SCART1: variants seen among roughly 807,000 people sequenced by gnomAD.
SCART1 encodes scavenger receptor family member expressed on T cells 1, also known as scavenger receptor cysteine-rich domain-containing protein SCART1.
SCART1 carries 62 observed loss-of-function variants against 36.2 expected under a neutral mutation model. The ratio of observed to expected loss-of-function variants is 1.71; its 90% CI spans 1.40 to 2.12. SCART1 has a LOEUF of 2.12. Ranked by LOEUF, SCART1 falls within the 30% of genes most tolerant of loss-of-function variation. The probability of loss-of-function intolerance (pLI) is 0.00; values close to 1 mark genes in which losing one functional copy is unlikely to be tolerated. For synonymous variants in SCART1, 487 were observed against 238.7 expected, an observed-to-expected ratio of 2.04 and a Z score of -9.59; for missense variants, 1,041 against 540.5, an observed-to-expected ratio of 1.93 and a Z score of -9.18.
chr10:133,457,690 A>G, intron 3 of SCART1, 115 bp downstream of exon 3: 1 of 581,630 alleles, frequency 1.7e-6, no homozygotes. Flanking sequence ...CCTGTCCTGC[A>G]TGAGACATTG....
rs1169245518 is a variant in SCART1, at chr10:133,457,205, G to GA, written c.386-69dup. The GA allele has an allele frequency of 5.9e-5, 40 of 677,438 alleles. No homozygotes were observed. The African/African-American group carries it at 6.1e-4, about 10-fold the overall frequency. 42.0% of individuals were successfully genotyped at this position (677,438 alleles called of 1,614,324 possible). On this transcript the variant is annotated intron_variant, in intron 2 of 11. Transcript: ENST00000640237. Reference sequence around the variant, plus strand: ...GGCTCAGCCCATCACTGTCCTCCCTGAAAAAGGAGCTGCCGAGTGACCATG... The same window carrying GA: ...GGCTCAGCCCATCACTGTCCTCCCTGAAAAAAGGAGCTGCCGAGTGACCATG...
rs573027259 is a variant in SCART1 at position 133,456,228 on chromosome 10, T to C, written c.68-9T>C. The C allele has an allele frequency of 8.6e-6, 6 of 699,844 alleles. No homozygotes were observed. Among genetic ancestry groups the C allele is most frequent in the Admixed American group, 6.0e-5 (3 of 49,906 alleles). 43.4% of individuals were successfully genotyped at this position (699,844 alleles called of 1,614,324 possible). On this transcript the variant is annotated splice_polypyrimidine_tract_variant and intron_variant, in intron 1 of 11. Coordinates refer to ENST00000640237, the Ensembl canonical transcript of SCART1. ...TCTGGCCCCTCTAACTGGACCTGTCTGTCTGTAGGTGGACCAGGTGCTCTG... is the reference window on the plus strand; with the variant it reads ...TCTGGCCCCTCTAACTGGACCTGTCCGTCTGTAGGTGGACCAGGTGCTCTG...
intron 5 of SCART1, 53 bp from the exon 6 acceptor site, chr10:133,459,434 G>A (rs1157347311): frequency 3.2e-6 from 2 of 620,350 alleles, no homozygotes; most frequent in African/African-American, 1.8e-5. Flanking sequence ...CTGGGGGGTG[G>A]TCCTGGGTCC....
chr10:133,465,393 TG>T lies in SCART1; in HGVS notation c.2489del (p.Gly830ValfsTer95). On this transcript the variant is annotated frameshift_variant, in exon 9 of 12. Coordinates refer to ENST00000640237, the Ensembl canonical transcript of SCART1. LOFTEE classifies it high-confidence loss of function. ...AGGTCGTGTGCCGCCAGCTGGGCTG[TG>T]GTCGGGCCGTCGCCGCCCTGGGGGC... 1 of 633,204 alleles carries T rather than the reference TG, an allele frequency of 1.6e-6. No homozygotes were observed. Among genetic ancestry groups the T allele is most frequent in the Non-Finnish European group, 2.8e-6 (1 of 355,510 alleles). The allele number at this position is 633,204 out of a possible 1,614,324, so 39.2% of individuals were successfully genotyped here. A position where few individuals can be genotyped will look rare whatever the true frequency, so the allele number is the denominator to read the frequency against.
At chr10:133,458,904 G>A (rs941549353) in intron 4 of SCART1, 117 bp from the exon 5 acceptor site, 2 of 623,272 alleles carry the variant, frequency 3.2e-6, no homozygotes, top group Admixed American at 5.7e-5. Context: ...GGGAGCTGGT[G>A]AGACCAAGGC....
At chr10:133,464,727 C>T (rs956591569) in exon 7 of SCART1, 2 of 697,440 alleles carry the variant, frequency 2.9e-6, no homozygotes, top group African/African-American at 1.9e-5. Context: ...CCTTGTCCAT[C>T]ATCTGCAAGC....
rs1406699086 is a variant in SCART1, at chr10:133,461,171, G to T, written c.1969+1001G>T. 2.0e-5 allele frequency among the ~76,000 whole-genome samples: 3 copies of T among 152,234 alleles called. No individual in the cohort carries two copies. In the East Asian group the frequency reaches 5.8e-4, roughly 29 times the overall value. ...TTGGGTGATGGAATTTTGTCATTTT[G>T]GGGGATGGGTTCTCTGGAGAAGCCT... On this transcript the variant is annotated intron_variant, in intron 6 of 11. Coordinates refer to ENST00000640237, the Ensembl canonical transcript of SCART1.
At chr10:133,469,535 T>C (rs1370451489), downstream of SCART1, among the ~76,000 whole-genome samples, 2 of 151,356 alleles carry the variant, frequency 1.3e-5, no homozygotes, top group Admixed American at 6.6e-5. Flanking sequence ...TAAGTGGGAG[T>C]TGAACAATGA....
chr10:133,462,923 T>A (rs1401490766), intron 6 of SCART1, among the ~76,000 whole-genome samples: 1 of 152,228 alleles, frequency 6.6e-6, no homozygotes, highest in South Asian at 2.1e-4. Context: ...ATGGACACTT[T>A]TGTATTCTAT....
chr10:133,458,227 C>T (rs1157641713), intron 3 of SCART1, 133 bp from the exon 4 acceptor site: 13 of 700,750 alleles, frequency 1.9e-5, no homozygotes, highest in Non-Finnish European at 3.4e-5. Context: ...CAAGTTCCTG[C>T]CTGTGCTTGG....
chr10:133,459,450 G>A (rs777482825), intron 5 of SCART1, 37 bp from the exon 6 acceptor site: 3 of 619,678 alleles, frequency 4.8e-6, no homozygotes, highest in African/African-American at 1.8e-5. Flanking sequence ...GGTCCCTCCC[G>A]CTGACATCTT....
At chr10:133,468,287 AGCTCGCTTCTGGCACCCAGCAG>A (rs1290719963) in exon 12 of SCART1, 1 of 213,360 alleles carries the variant, frequency 4.7e-6, no homozygotes, top group Non-Finnish European at 9.2e-6. Flanking sequence ...TCCGCTCCAC[AGCTCGCTTCTGGCACCCAGCAG>A]TGGGTTGCAG....
intron 6 of SCART1, among the ~76,000 whole-genome samples, chr10:133,461,664 C>T (rs1264918932): frequency 6.6e-6 from 1 of 152,086 alleles, no homozygotes; most frequent in Non-Finnish European, 1.5e-5. Context: ...CTCCTCACCT[C>T]GTCCATCATC....
chr10:133,456,450 A>G (rs528626181), exon 2 of SCART1: 1 of 702,492 alleles, frequency 1.4e-6, no homozygotes, highest in East Asian at 2.7e-5. Flanking sequence ...TGGCTTCACA[A>G]CGTGTCCTGC....
chr10:133,468,140 C>T (rs1248291177), exon 12 of SCART1: 3 of 502,958 alleles, frequency 6.0e-6, no homozygotes, highest in Non-Finnish European at 7.1e-6. Context: ...TAAACCTCAT[C>T]CCCTTCGAGG....
intron 9 of SCART1, 71 bp from the exon 10 acceptor site, chr10:133,466,164 C>T: frequency 1.5e-6 from 1 of 663,894 alleles, no homozygotes; most frequent in Non-Finnish European, 2.7e-6. Flanking sequence ...GCCCTTGGAG[C>T]CACCCTGTCC....
chr10:133,456,147 T>TCACA (rs1241121798), intron 1 of SCART1, 90 bp from the exon 2 acceptor site: 1 of 645,974 alleles, frequency 1.5e-6, no homozygotes, highest in Non-Finnish European at 2.8e-6. Context: ...TGCTGAGGCC[T>TCACA]CACAGGCCGT....
At chr10:133,458,190 G>A in intron 3 of SCART1, 170 bp from the exon 4 acceptor site, 1 of 700,280 alleles carries the variant, frequency 1.4e-6, no homozygotes. Flanking sequence ...CTCTGCTCTG[G>A]GTGCCGGGTG....
In SCART1 at chr10:133,458,795, G is replaced by A. The variant is rs915659552; in HGVS notation, c.979+139G>A. 37 of 671,460 alleles carry A rather than the reference G, an allele frequency of 5.5e-5. No individual in the cohort carries two copies. In the African/African-American group the frequency reaches 6.0e-4, roughly 11 times the overall value. The allele number at this position is 671,460 out of a possible 1,614,324, so 41.6% of individuals were successfully genotyped here. A position where few individuals can be genotyped will look rare whatever the true frequency, so the allele number is the denominator to read the frequency against. Reference sequence around the variant, plus strand: ...TTCTGTTGGTTGAAAGAAGCGCAGGGAAGAGACTGGGTGTAGAGTGATGTA... The same window carrying A: ...TTCTGTTGGTTGAAAGAAGCGCAGGAAAGAGACTGGGTGTAGAGTGATGTA... On this transcript the variant is annotated intron_variant, in intron 4 of 11. Coordinates refer to ENST00000640237, the Ensembl canonical transcript of SCART1.
Sources: gnomAD v4.1 joint callset for allele counts (sites outside exome capture counted in the v4.1 genomes callset) on GRCh38, gnomAD v4.1.1 for gene constraint, MANE v1.5 for transcripts, NCBI Gene and HGNC (gene_info 2026-07-23, HGNC 2026-07-21) for gene names.